SHROOM4: variants seen among roughly 807,000 people sequenced by gnomAD.
The protein encoded by SHROOM4 is shroom family member 4.
Under a neutral mutation model 80.3 loss-of-function variants are expected in SHROOM4, and 17 were observed. The ratio of observed to expected loss-of-function variants is 0.21; its 90% CI spans 0.14 to 0.32. The LOEUF (loss-of-function observed/expected upper bound fraction) is 0.32. Ranked by LOEUF, SHROOM4 falls within the 10% of genes least tolerant of loss-of-function variation. SHROOM4 has a pLI of 1.00. For missense variants in SHROOM4, 993 were observed against 1,140.3 expected (o/e 0.87, Z 1.86); for synonymous variants, 400 against 437.5 (o/e 0.91, Z 1.07).
At chrX:50,646,293 C>T (rs1569547001) in intron 2 of SHROOM4, among the ~76,000 whole-genome samples, 1 of 111,354 alleles carries the variant, frequency 9.0e-6, no homozygotes, top group African/African-American at 3.3e-5. Context: ...CTGCCCCACA[C>T]GAAGAAGCCC....
intron 2 of SHROOM4, among the ~76,000 whole-genome samples, chrX:50,647,101 AG>A (rs1427820838): frequency 1.8e-5 from 2 of 111,876 alleles, no homozygotes; most frequent in Non-Finnish European, 3.8e-5. Flanking sequence ...GAAAATGCTT[AG>A]TACTTTAGAA....
chrX:50,624,476 C>T (rs2147271070), intron 5 of SHROOM4, among the ~76,000 whole-genome samples: 1 of 111,486 alleles, frequency 9.0e-6, no homozygotes, highest in South Asian at 3.8e-4. Flanking sequence ...GTATCTTCCA[C>T]TAACTTCAAA....
intron 1 of SHROOM4, among the ~76,000 whole-genome samples, chrX:50,766,589 C>A (rs1557269344): frequency 9.0e-6 from 1 of 110,761 alleles, no homozygotes; most frequent in Non-Finnish European, 1.9e-5. Context: ...AAAAATTAAA[C>A]ACAAAAAAGA....
intron 1 of SHROOM4, among the ~76,000 whole-genome samples, chrX:50,763,171 A>G (rs182729212): frequency 2.0e-4 from 22 of 111,493 alleles, no homozygotes; most frequent in African/African-American, 6.5e-4. Flanking sequence ...TATTTACTGC[A>G]GAGCCCCTCC....
At position 50,717,420 on chromosome X, in the gene SHROOM4, T is replaced by C. The variant is rs185645928; in HGVS notation, c.118-21483A>G. 4.9e-3 allele frequency among the ~76,000 whole-genome samples: 547 copies of C among 111,996 alleles called. 4 individuals are homozygous for C. Among genetic ancestry groups the C allele is most frequent in the Non-Finnish European group, 8.6e-3 (455 of 53,208 alleles). ...TTTTAGTAGAGACGGGGTTTTACCA[T>C]GTTGGCCAGGATGGTCTCGATCTAT... On this transcript the variant is annotated intron_variant, in intron 1 of 8. Coordinates refer to ENST00000376020, the MANE Select transcript of SHROOM4 (RefSeq NM_020717.5).
intron 1 of SHROOM4, among the ~76,000 whole-genome samples, chrX:50,753,565 G>A (rs2147607950): frequency 9.0e-6 from 1 of 111,439 alleles, no homozygotes; most frequent in Admixed American, 9.5e-5. Context: ...ACTTAAATGT[G>A]ACTGGTGTAA....
intron 1 of SHROOM4, among the ~76,000 whole-genome samples, chrX:50,736,963 G>A (rs1185625903): frequency 8.9e-6 from 1 of 112,224 alleles, no homozygotes; most frequent in Non-Finnish European, 1.9e-5. Context: ...ATGATTAAGT[G>A]TATAAGTATT....
At chrX:50,630,233 C>T (rs1163031588) in intron 4 of SHROOM4, among the ~76,000 whole-genome samples, 6 of 109,524 alleles carry the variant, frequency 5.5e-5, no homozygotes, top group Admixed American at 9.8e-5. Flanking sequence ...TCACTTCCCC[C>T]GCCCCACTCA....
chrX:50,779,042 A>G (rs1935570215), intron 1 of SHROOM4, among the ~76,000 whole-genome samples: 1 of 112,151 alleles, frequency 8.9e-6, no homozygotes, highest in Non-Finnish European at 1.9e-5. Context: ...TTAGGTATTA[A>G]ATGTTTTTAG....
intron 1 of SHROOM4, among the ~76,000 whole-genome samples, chrX:50,788,708 C>T (rs1011907975): frequency 4.5e-5 from 5 of 111,282 alleles, no homozygotes; most frequent in Non-Finnish European, 9.4e-5. Flanking sequence ...AATGGGTTGA[C>T]TCCCAAATTG....
intron 1 of SHROOM4, among the ~76,000 whole-genome samples, chrX:50,706,331 A>T (rs1933676167): frequency 8.9e-6 from 1 of 112,023 alleles, no homozygotes; most frequent in Non-Finnish European, 1.9e-5. Flanking sequence ...ATTTCTATGT[A>T]TGTTTACTTG....
At chrX:50,674,716 C>A (rs1657076112) in intron 2 of SHROOM4, among the ~76,000 whole-genome samples, 1 of 111,614 alleles carries the variant, frequency 9.0e-6, no homozygotes, top group African/African-American at 3.3e-5. Context: ...TATATTAATT[C>A]ATCAAAGGAA....
chrX:50,756,482 A>G (rs1334527790), intron 1 of SHROOM4, among the ~76,000 whole-genome samples: 1 of 112,339 alleles, frequency 8.9e-6, no homozygotes, highest in Non-Finnish European at 1.9e-5. Flanking sequence ...TTGTGCAGAC[A>G]TATGTTTTCA....
chrX:50,804,605 A>C (rs1201998206), intron 1 of SHROOM4, among the ~76,000 whole-genome samples: 1 of 112,127 alleles, frequency 8.9e-6, no homozygotes, highest in Non-Finnish European at 1.9e-5. Context: ...TGTCCCACTT[A>C]CTATATGACT....
At chrX:50,598,099 A>T (rs1929205741) in intron 8 of SHROOM4, among the ~76,000 whole-genome samples, 167 bp downstream of exon 8, 1 of 111,619 alleles carries the variant, frequency 9.0e-6, no homozygotes, top group African/African-American at 3.3e-5. Context: ...TTGGCCTCCC[A>T]AAGTACTGGG....
chrX:50,794,631 C>G (rs1439374971), intron 1 of SHROOM4, among the ~76,000 whole-genome samples: 1 of 46,449 alleles, frequency 2.2e-5, no homozygotes, highest in Non-Finnish European at 4.5e-5. Context: ...CTCTGACACA[C>G]ACAAACACAC....
intron 5 of SHROOM4, among the ~76,000 whole-genome samples, chrX:50,610,352 TCACACA>T (rs1557249589): frequency 4.4e-5 from 4 of 91,720 alleles, no homozygotes; most frequent in Admixed American, 3.5e-4. Flanking sequence ...TCTCTCTCTC[TCACACA>T]CACACACACA....
chrX:50,711,654 G>A (rs1449866760), intron 1 of SHROOM4, among the ~76,000 whole-genome samples: 1 of 112,128 alleles, frequency 8.9e-6, no homozygotes, highest in Non-Finnish European at 1.9e-5. Context: ...ATATTGATGA[G>A]TGAATAGAGA....
chrX:50,653,503 A>T (rs1048503924), intron 2 of SHROOM4, among the ~76,000 whole-genome samples: 5 of 111,965 alleles, frequency 4.5e-5, no homozygotes, highest in African/African-American at 1.6e-4. Context: ...CAATCATGTC[A>T]TCAGCAAACA....
Sources: allele counts gnomAD v4.1 joint callset (sites outside exome capture counted in the v4.1 genomes callset), GRCh38; gene constraint gnomAD v4.1.1; transcripts MANE v1.5; gene names NCBI Gene and HGNC (gene_info 2026-07-23, HGNC 2026-07-21).